Variants in WDR72 observed in about 807,000 individuals in gnomAD.
WDR72 encodes WD repeat domain 72.
A neutral mutation model predicts 124.2 loss-of-function variants in WDR72; 120 were observed. That is an observed-to-expected ratio of 0.97 (90% CI 0.83 to 1.12). The LOEUF (loss-of-function observed/expected upper bound fraction) is 1.12, where lower values mean the gene tolerates loss of function less well. Among genes scored for constraint, WDR72 ranks in the 50% most tolerant of loss-of-function variants. WDR72 has a pLI of 0.00. For synonymous variants in WDR72, 452 were observed against 441.7 expected, an observed-to-expected ratio of 1.02 and a Z score of -0.29; for missense variants, 1,387 against 1,278.8, an observed-to-expected ratio of 1.08 and a Z score of -1.29.
At chr15:53,588,058 C>T (rs7170188) in intron 18 of WDR72, among the ~76,000 whole-genome samples, 48,185 of 151,648 alleles carry the variant, frequency 0.32, 8,129 homozygotes, top group Admixed American at 0.42. Context: ...TGCCCCTGGA[C>T]TAACACTTCA....
At chr15:53,679,497 T>A (rs1253669671) in intron 13 of WDR72, among the ~76,000 whole-genome samples, 8 of 152,060 alleles carry the variant, frequency 5.3e-5, no homozygotes, top group Non-Finnish European at 7.4e-5. Flanking sequence ...GAGGGACCAT[T>A]GGCCATCAGG....
At chr15:53,749,444 TCCA>T (rs1228875595) in intron 1 of WDR72, among the ~76,000 whole-genome samples, 4 of 152,158 alleles carry the variant, frequency 2.6e-5, no homozygotes, top group African/African-American at 9.7e-5. Flanking sequence ...TTCTGACTGT[TCCA>T]CCAACTGGCC....
chr15:53,592,421 C>A (rs1377803300), intron 18 of WDR72, among the ~76,000 whole-genome samples: 1 of 152,018 alleles, frequency 6.6e-6, no homozygotes, highest in East Asian at 1.9e-4. Context: ...ACTCAGCAGG[C>A]CAAGAAAGCC....
chr15:53,524,937 C>A (rs530585870), intron 18 of WDR72, among the ~76,000 whole-genome samples: 70 of 152,080 alleles, frequency 4.6e-4, no homozygotes, highest in Middle Eastern at 3.4e-3. Context: ...TGCTAAATGT[C>A]CTTCTGATCC....
At chr15:53,651,974 T>C (rs148415871) in intron 14 of WDR72, 1 of 152,318 alleles carries the variant, frequency 6.6e-6, no homozygotes, top group East Asian at 1.9e-4. Flanking sequence ...TATAAATTGT[T>C]TAATCACTTC....
chr15:53,671,598 G>C (rs1383203360), intron 13 of WDR72, among the ~76,000 whole-genome samples: 1 of 152,150 alleles, frequency 6.6e-6, no homozygotes, highest in African/African-American at 2.4e-5. Context: ...GAGCATATGA[G>C]GGTCTCAGTG....
At chr15:53,741,487 A>G (rs1450601935) in intron 1 of WDR72, among the ~76,000 whole-genome samples, 1 of 152,218 alleles carries the variant, frequency 6.6e-6, no homozygotes, top group Non-Finnish European at 1.5e-5. Flanking sequence ...CATTGTAAAT[A>G]CCGTAATTAG....
intron 14 of WDR72, among the ~76,000 whole-genome samples, chr15:53,629,701 T>A (rs2014347600): frequency 6.6e-6 from 1 of 152,240 alleles, no homozygotes; most frequent in Middle Eastern, 3.4e-3. Context: ...TGGCTGGATG[T>A]GAGTAAAAAC....
Position 53,702,160 on chromosome 15 carries a change from G to C in WDR72, c.1543C>G (p.Leu515Val). ...TTAAACTTCTCTGGTGACATCAAAA[G>C]ACTTGTTACTGGACCAGCTTCCAAA... Reference protein sequence around the residue: ...FFLEAGPVTSLLMSPEKFKLR... With the variant: ...FFLEAGPVTSVLMSPEKFKLR... The change falls in exon 12 of 20, where the codon CTT becomes GTT. Residue 515 changes from leucine (L) to valine (V), a missense_variant. Transcript: ENST00000360509. 6.2e-7 allele frequency: 1 copy of C among 1,613,672 alleles called. No individual in the cohort carries two copies. The highest frequency in any genetic ancestry group is 8.5e-7 in the Non-Finnish European group (1 of 1,179,926).
chr15:53,713,478 T>C (rs1039527804), intron 6 of WDR72, among the ~76,000 whole-genome samples: 16 of 49,698 alleles, frequency 3.2e-4, no homozygotes, highest in African/African-American at 7.6e-4. Context: ...TGAGACACAG[T>C]CTTGCTGTGT....
chr15:53,706,995 A>G (rs769415492), intron 9 of WDR72, among the ~76,000 whole-genome samples: 1 of 152,164 alleles, frequency 6.6e-6, no homozygotes, highest in Non-Finnish European at 1.5e-5. Context: ...AGGGCAGTAT[A>G]GCTGTTCTTC....
chr15:53,715,116 A>G, intron 5 of WDR72, 77 bp downstream of exon 5: 1 of 1,517,866 alleles, frequency 6.6e-7, no homozygotes, highest in Non-Finnish European at 9.0e-7. Flanking sequence ...ATTTCTGCCC[A>G]ATAATTTGAC....
At position 53,607,134 on chromosome 15, in the gene WDR72, T is replaced by C. The variant is rs140539839; in HGVS notation, c.2952+2379A>G. On this transcript the variant is annotated intron_variant, in intron 17 of 19. Transcript: ENST00000360509. ...AACGCACAACTATTTATTGTACAAT[T>C]CACAAAGGTACTGCTAAAATTTTGA... 2.6e-3 allele frequency among the ~76,000 whole-genome samples: 403 copies of C among 152,230 alleles called. 6 individuals carry two copies. Among genetic ancestry groups the C allele is most frequent in the African/African-American group, 9.2e-3 (384 of 41,548 alleles).
intron 3 of WDR72, among the ~76,000 whole-genome samples, chr15:53,718,608 C>T (rs1321314705): frequency 1.3e-5 from 2 of 151,844 alleles, no homozygotes; most frequent in African/African-American, 2.4e-5. Flanking sequence ...TACCTGGAAC[C>T]ATATAAGTTA....
intron 14 of WDR72, among the ~76,000 whole-genome samples, chr15:53,629,203 AGAGAGAGAGT>A (rs370151283): frequency 0.048 from 7,276 of 151,138 alleles, 591 homozygotes; most frequent in African/African-American, 0.17. Flanking sequence ...AGAGAGAGAG[AGAGAGAGAGT>A]GAGAGAGAGA....
intron 14 of WDR72, among the ~76,000 whole-genome samples, chr15:53,662,219 C>A (rs1476202773): frequency 6.6e-6 from 1 of 152,062 alleles, no homozygotes; most frequent in Non-Finnish European, 1.5e-5. Flanking sequence ...TATTGTATTC[C>A]TTTAAATCCT....
chr15:53,582,347 T>G (rs1311095989), intron 18 of WDR72, among the ~76,000 whole-genome samples: 1 of 151,994 alleles, frequency 6.6e-6, no homozygotes, highest in Non-Finnish European at 1.5e-5. Context: ...CTGCATAGAC[T>G]TCTTCCAGGG....
intron 17 of WDR72, among the ~76,000 whole-genome samples, chr15:53,601,141 T>C (rs1406105211): frequency 6.6e-6 from 1 of 152,100 alleles, no homozygotes; most frequent in Non-Finnish European, 1.5e-5. Flanking sequence ...GGGAAGCCCA[T>C]TAGACTAACA....
intron 18 of WDR72, among the ~76,000 whole-genome samples, chr15:53,592,789 G>A (rs899371224): frequency 2.1e-5 from 3 of 145,140 alleles, no homozygotes; most frequent in East Asian, 3.9e-4. Flanking sequence ...CAAAATAAAG[G>A]GAAATAACTT....
Sources: allele counts gnomAD v4.1 joint callset (sites outside exome capture counted in the v4.1 genomes callset), GRCh38; gene constraint gnomAD v4.1.1; transcripts MANE v1.5; gene names NCBI Gene and HGNC (gene_info 2026-07-23, HGNC 2026-07-21).